FAM193A: variants seen among roughly 807,000 people sequenced by gnomAD.
FAM193A encodes the protein protein FAM193A.
In FAM193A, 22 loss-of-function variants were observed where a neutral mutation model predicts 126.5. The ratio of observed to expected loss-of-function variants is 0.17; its 90% CI spans 0.12 to 0.25. FAM193A has a LOEUF of 0.25. FAM193A is among the 10% of genes least tolerant of loss of function. The pLI is 1.00. For missense variants in FAM193A, 1,675 were observed against 1,672.8 expected, an observed-to-expected ratio of 1.00 and a Z score of -0.02; for synonymous variants, 761 against 646.8, an observed-to-expected ratio of 1.18 and a Z score of -2.68.
At chr4:2,661,960 G>A (rs750947377) in intron 10 of FAM193A, among the ~76,000 whole-genome samples, 30 of 152,290 alleles carry the variant, frequency 2.0e-4, no homozygotes, top group Non-Finnish European at 4.1e-4. Flanking sequence ...GAGGCGGGCG[G>A]ATCACGAGGT....
chr4:2,607,990 C>A (rs1741644019), intron 2 of FAM193A: 2 of 1,581,746 alleles, frequency 1.3e-6, no homozygotes, highest in Non-Finnish European at 1.7e-6. Context: ...CAGCCACTCA[C>A]CACAGCCCCT....
At chr4:2,725,754 C>T (rs1720673617) in intron 20 of FAM193A, among the ~76,000 whole-genome samples, 1 of 151,598 alleles carries the variant, frequency 6.6e-6, no homozygotes, top group African/African-American at 2.4e-5. Flanking sequence ...CTCTGTCACC[C>T]AGGCCGGAGT....
intron 2 of FAM193A, among the ~76,000 whole-genome samples, chr4:2,605,842 A>G (rs1447999882): frequency 6.6e-6 from 1 of 151,322 alleles, no homozygotes; most frequent in Non-Finnish European, 1.5e-5. Context: ...ATGGTGGCAC[A>G]TGCCTGTAAT....
chr4:2,576,922 G>A (rs1326784138), intron 1 of FAM193A, among the ~76,000 whole-genome samples: 4 of 152,186 alleles, frequency 2.6e-5, no homozygotes, highest in Non-Finnish European at 5.9e-5. Context: ...GAATAGAGAT[G>A]TACCTATTCT....
chr4:2,580,265 G>T (rs1433333429), intron 1 of FAM193A, among the ~76,000 whole-genome samples: 2 of 152,004 alleles, frequency 1.3e-5, no homozygotes, highest in African/African-American at 2.4e-5. Context: ...GCATATTCTC[G>T]CTTATAGCCG....
intron 2 of FAM193A, among the ~76,000 whole-genome samples, chr4:2,614,782 A>G (rs565208846): frequency 2.0e-4 from 30 of 152,216 alleles, no homozygotes; most frequent in Non-Finnish European, 4.3e-4. Context: ...AGTTCAATTC[A>G]TTTGATGGAG....
At chr4:2,698,295 T>A (rs910052306) in intron 18 of FAM193A, among the ~76,000 whole-genome samples, 7 of 152,178 alleles carry the variant, frequency 4.6e-5, no homozygotes, top group Non-Finnish European at 8.8e-5. Context: ...TGTGCTGGAT[T>A]TAGATCAGCT....
At chr4:2,604,719 T>A (rs1741424947) in intron 2 of FAM193A, among the ~76,000 whole-genome samples, 1 of 151,924 alleles carries the variant, frequency 6.6e-6, no homozygotes, top group African/African-American at 2.4e-5. Context: ...TAGGTGTTCT[T>A]ATGCAGTATA....
intron 4 of FAM193A, among the ~76,000 whole-genome samples, chr4:2,629,018 A>G (rs1469060576): frequency 6.6e-6 from 1 of 152,046 alleles, no homozygotes; most frequent in Non-Finnish European, 1.5e-5. Context: ...ATGCCCGGCT[A>G]ATTTTTTGTA....
intron 20 of FAM193A, among the ~76,000 whole-genome samples, chr4:2,730,716 AG>A (rs1456514037): frequency 6.6e-6 from 1 of 151,396 alleles, no homozygotes; most frequent in Non-Finnish European, 1.5e-5. Context: ...CTTCTTGGCC[AG>A]GGAAGAAGCT....
chr4:2,694,123 A>G (rs1427802851), intron 16 of FAM193A, among the ~76,000 whole-genome samples: 2 of 152,182 alleles, frequency 1.3e-5, no homozygotes, highest in East Asian at 1.9e-4. Flanking sequence ...ACGCCTAAAC[A>G]CTGACAGCAT....
rs1720257348 is a variant in FAM193A, at chr4:2,722,329, G to A, written c.4454+6225G>A. ...GGAGGGACAAAGCCAGGTCACACTG[G>A]GCCTGGGACCTTAGAGAGCAGCGTG... On this transcript the variant is annotated intron_variant, in intron 20 of 20. Coordinates refer to ENST00000637812, the MANE Select transcript of FAM193A (RefSeq NM_001366318.2). Among the ~76,000 whole-genome samples the A allele has an allele frequency of 2.0e-5, 3 of 152,286 alleles. No individual in the cohort carries two copies. The South Asian group carries it at 6.2e-4, about 32-fold the overall frequency.
At chr4:2,559,781 C>T (rs374084033) in intron 1 of FAM193A, among the ~76,000 whole-genome samples, 74 of 152,178 alleles carry the variant, frequency 4.9e-4, no homozygotes, top group Non-Finnish European at 9.3e-4. Flanking sequence ...TCCGGCTGCA[C>T]GGACAGCTGA....
intron 1 of FAM193A, among the ~76,000 whole-genome samples, chr4:2,583,357 A>G (rs1740060711): frequency 6.6e-6 from 1 of 152,072 alleles, no homozygotes; most frequent in Admixed American, 6.6e-5. Flanking sequence ...CCTGGCTATA[A>G]TTTTGGACTC....
At chr4:2,599,437 G>A (rs1307984248) in intron 2 of FAM193A, among the ~76,000 whole-genome samples, 1 of 152,186 alleles carries the variant, frequency 6.6e-6, no homozygotes, top group Non-Finnish European at 1.5e-5. Context: ...AGGGCTCAGA[G>A]TGCACGGCTC....
chr4:2,620,583 C>G (rs577911610), intron 2 of FAM193A, among the ~76,000 whole-genome samples: 3 of 152,194 alleles, frequency 2.0e-5, no homozygotes, highest in African/African-American at 7.2e-5. Context: ...GTGTGTGGCT[C>G]ATGCCTGTAA....
intron 1 of FAM193A, among the ~76,000 whole-genome samples, chr4:2,589,836 TAATAAAAGATCA>T (rs1183957789): frequency 1.3e-5 from 2 of 152,166 alleles, no homozygotes; most frequent in African/African-American, 4.8e-5. Context: ...TGCAGGTAGC[TAATAAAAGATCA>T]TGTATAGGCT....
In FAM193A at chr4:2,700,429, C is replaced by T; in HGVS notation, c.4257C>T (p.Thr1419=). 1.9e-6 allele frequency: 3 copies of T among 1,614,198 alleles called. No individual in the cohort carries two copies. Among genetic ancestry groups the T allele is most frequent in the Non-Finnish European group, 2.5e-6 (3 of 1,180,040 alleles). ...EKSNPTPMEP[T]SPGEHQQNSK... is the part of the protein sequence containing the mutation. ...CAAACCCAACCCCTATGGAGCCCAC[C>T]TCTCCCGGTGAGCATCAGCAGAACA... The change falls in exon 19 of 21, where the codon ACC becomes ACT. Residue 1419 remains threonine, a synonymous_variant. Transcript: ENST00000637812.
At chr4:2,706,494 C>T (rs993331670) in intron 19 of FAM193A, among the ~76,000 whole-genome samples, 1 of 151,780 alleles carries the variant, frequency 6.6e-6, no homozygotes, top group African/African-American at 2.4e-5. Flanking sequence ...CAGGGTTTCT[C>T]CTTGTTGGTC....
Sources: gnomAD v4.1 joint callset for allele counts (sites outside exome capture counted in the v4.1 genomes callset) on GRCh38, gnomAD v4.1.1 for gene constraint, MANE v1.5 for transcripts, NCBI Gene and HGNC (gene_info 2026-07-23, HGNC 2026-07-21) for gene names.